LRP1B: variants seen among roughly 807,000 people sequenced by gnomAD.
LRP1B encodes the protein low-density lipoprotein receptor-related protein 1B.
LRP1B carries 217 observed loss-of-function variants against 556.6 expected under a neutral mutation model. The ratio of observed to expected loss-of-function variants is 0.39; its 90% CI spans 0.35 to 0.44. The LOEUF is 0.44. Among genes scored for constraint, LRP1B ranks in the 20% least tolerant of loss-of-function variants. The pLI is 1.00. For synonymous variants in LRP1B, 2,047 were observed against 1,865.8 expected (o/e 1.10, Z -2.50); for missense variants, 5,053 against 5,620.8 (o/e 0.90, Z 3.23).
At position 141,671,354 on chromosome 2, in the gene LRP1B, C is replaced by T. The variant is rs1690661147; in HGVS notation, c.205+138925G>A. Among the ~76,000 whole-genome samples the T allele has an allele frequency of 3.3e-5, 5 of 152,096 alleles. No homozygotes were observed. The South Asian group carries it at 1.0e-3, about 32-fold the overall frequency. ...GAATGTTTAATTGAGGAAGTTTTCC[C>T]TTAGGTGGCAGCCAGGGAGTGAAGG... On this transcript the variant is annotated intron_variant, in intron 2 of 90. Coordinates refer to ENST00000389484, the MANE Select transcript of LRP1B (RefSeq NM_018557.3).
intron 3 of LRP1B, among the ~76,000 whole-genome samples, chr2:141,421,895 A>G (rs765942033): frequency 1.3e-5 from 2 of 152,146 alleles, no homozygotes; most frequent in Non-Finnish European, 2.9e-5. Context: ...GTTTTTCCCA[A>G]TTGAATGTAA....
At chr2:141,948,128 T>C (rs540041336) in intron 1 of LRP1B, among the ~76,000 whole-genome samples, 2 of 152,038 alleles carry the variant, frequency 1.3e-5, no homozygotes, top group South Asian at 4.2e-4. Flanking sequence ...TGAAACCCCC[T>C]CTCTACTGAA....
At chr2:141,982,801 C>T (rs1702078438) in intron 1 of LRP1B, among the ~76,000 whole-genome samples, 1 of 152,116 alleles carries the variant, frequency 6.6e-6, no homozygotes, top group African/African-American at 2.4e-5. Flanking sequence ...AGCGTGACTT[C>T]AAAATGTGGC....
chr2:140,763,941 C>T (rs1036976959), intron 35 of LRP1B, among the ~76,000 whole-genome samples: 1 of 151,954 alleles, frequency 6.6e-6, no homozygotes, highest in African/African-American at 2.4e-5. Context: ...GTCACAAGAA[C>T]AAGAAGAAAT....
intron 35 of LRP1B, among the ~76,000 whole-genome samples, chr2:140,765,535 G>C (rs575380425): frequency 2.4e-4 from 36 of 152,190 alleles, no homozygotes; most frequent in African/African-American, 8.4e-4. Context: ...CAGCAGGCAA[G>C]GATTTTCAAA....
At chr2:140,591,374 T>G (rs187660653) in intron 43 of LRP1B, among the ~76,000 whole-genome samples, 1 of 152,350 alleles carries the variant, frequency 6.6e-6, no homozygotes, top group Admixed American at 6.5e-5. Flanking sequence ...GACAGTTAGG[T>G]ACTCTGCTTC....
chr2:141,663,475 C>A (rs946997867), intron 2 of LRP1B, among the ~76,000 whole-genome samples: 6 of 151,542 alleles, frequency 4.0e-5, no homozygotes, highest in African/African-American at 1.5e-4. Context: ...GAGAAGAATC[C>A]GATAGACACA....
At chr2:140,513,691 A>C (rs888946042) in intron 51 of LRP1B, among the ~76,000 whole-genome samples, 1 of 151,818 alleles carries the variant, frequency 6.6e-6, no homozygotes, top group African/African-American at 2.4e-5. Flanking sequence ...ATACTAAAAA[A>C]TACCGCCTTT....
intron 41 of LRP1B, among the ~76,000 whole-genome samples, chr2:140,678,872 T>C (rs1224084270): frequency 6.6e-6 from 1 of 151,184 alleles, no homozygotes; most frequent in African/African-American, 2.4e-5. Flanking sequence ...CCGCCTCCCA[T>C]GTTCAAGCGA....
At chr2:142,113,640 A>AAC (rs1559078142) in intron 1 of LRP1B, among the ~76,000 whole-genome samples, 2 of 151,926 alleles carry the variant, frequency 1.3e-5, no homozygotes, top group African/African-American at 4.8e-5. Context: ...AACTAACTAA[A>AAC]TAAATAAATA....
chr2:140,703,572 G>T (rs1686723123), intron 37 of LRP1B, among the ~76,000 whole-genome samples: 1 of 152,136 alleles, frequency 6.6e-6, no homozygotes, highest in South Asian at 2.1e-4. Flanking sequence ...CAACAGCTGG[G>T]TGTATAGTTC....
chr2:141,595,656 C>T (rs995756469), intron 2 of LRP1B, among the ~76,000 whole-genome samples: 1 of 152,040 alleles, frequency 6.6e-6, no homozygotes, highest in Non-Finnish European at 1.5e-5. Flanking sequence ...ATATGACTCA[C>T]ATCTTTCATC....
At chr2:142,080,529 A>AT (rs34251324) in intron 1 of LRP1B, among the ~76,000 whole-genome samples, 22,881 of 152,124 alleles carry the variant, frequency 0.15, 1,863 homozygotes, top group Non-Finnish European at 0.19. Context: ...GTTTGTAAAA[A>AT]AAATAAATAA....
At chr2:141,152,351 C>T (rs1440610271) in intron 7 of LRP1B, among the ~76,000 whole-genome samples, 1 of 151,796 alleles carries the variant, frequency 6.6e-6, no homozygotes, top group Non-Finnish European at 1.5e-5. Flanking sequence ...TTTCTCTAAA[C>T]CGAACTAACT....
chr2:140,457,186 TAC>T (rs1394135097), intron 61 of LRP1B, among the ~76,000 whole-genome samples: 2 of 152,166 alleles, frequency 1.3e-5, no homozygotes, highest in African/African-American at 2.4e-5. Context: ...ATTTCAAGAA[TAC>T]AGTCTTCACT....
At chr2:141,265,071 T>C (rs539912327) in intron 3 of LRP1B, among the ~76,000 whole-genome samples, 3 of 152,114 alleles carry the variant, frequency 2.0e-5, no homozygotes, top group Non-Finnish European at 4.4e-5. Context: ...TTCCCGGAGA[T>C]GAGAGGGGCC....
Position 140,645,533 on chromosome 2 carries a change from C to CTTTT in LRP1B, c.6800-43898_6800-43895dup, listed in dbSNP as rs36082249. ...TCTATACTAACCCTTTGCCAATATT[C>CTTTT]TTTTTTTTTTTTTTTTTTTTTTTTG... On this transcript the variant is annotated intron_variant, in intron 41 of 90. Transcript: ENST00000389484. Among the ~76,000 whole-genome samples, 123 of 81,218 alleles carry CTTTT rather than the reference C, an allele frequency of 1.5e-3. 3 individuals are homozygous for CTTTT. The highest frequency in any genetic ancestry group is 3.6e-3 in the African/African-American group (64 of 18,024). The allele number at this position is 81,218 out of a possible 152,430, so 53.3% of individuals were successfully genotyped here.
chr2:141,005,477 A>C lies in LRP1B; in HGVS notation c.2381-20T>G. The stretch of plus-strand genomic sequence containing the variant: ...TGTCACCTGCAAGAGGAAGAAAGCA[A>C]ATGTGTCAGAGAACTCTGATTCACG... On this transcript the variant is annotated intron_variant, in intron 14 of 90. Coordinates refer to ENST00000389484, the MANE Select transcript of LRP1B (RefSeq NM_018557.3). 1 of 1,607,346 alleles carries C rather than the reference A, an allele frequency of 6.2e-7. No homozygotes were observed. The highest frequency in any genetic ancestry group is 1.1e-5 in the South Asian group (1 of 90,390).
At chr2:141,938,613 A>G (rs1700704446) in intron 1 of LRP1B, among the ~76,000 whole-genome samples, 1 of 152,136 alleles carries the variant, frequency 6.6e-6, no homozygotes, top group South Asian at 2.1e-4. Context: ...AAATAAAATC[A>G]GTACCTTGCA....
Sources: allele counts gnomAD v4.1 joint callset (sites outside exome capture counted in the v4.1 genomes callset), GRCh38; gene constraint gnomAD v4.1.1; transcripts MANE v1.5; gene names NCBI Gene and HGNC (gene_info 2026-07-23, HGNC 2026-07-21).